PLCG1: variants seen among roughly 807,000 people sequenced by gnomAD.
The protein encoded by PLCG1 is 1-phosphatidylinositol 4,5-bisphosphate phosphodiesterase gamma-1.
In PLCG1, 71 loss-of-function variants were observed where a neutral mutation model predicts 177.8. That is an observed-to-expected ratio of 0.40 (90% CI 0.33 to 0.49). The LOEUF (loss-of-function observed/expected upper bound fraction) is 0.49. PLCG1 is among the 20% of genes least tolerant of loss of function. The pLI is 0.72. For missense variants in PLCG1, 1,281 were observed against 1,709.0 expected, an observed-to-expected ratio of 0.75 and a Z score of 4.42; for synonymous variants, 658 against 647.9, an observed-to-expected ratio of 1.02 and a Z score of -0.24.
At chr20:41,139,642 A>G (rs1023830148) in intron 1 of PLCG1, among the ~76,000 whole-genome samples, 3 of 152,232 alleles carry the variant, frequency 2.0e-5, no homozygotes, top group African/African-American at 7.2e-5. Context: ...GAGACAATTC[A>G]TATAAAACAT....
chr20:41,139,500 T>G (rs1334836223), intron 1 of PLCG1, among the ~76,000 whole-genome samples: 1 of 152,202 alleles, frequency 6.6e-6, no homozygotes, highest in Non-Finnish European at 1.5e-5. Context: ...TGATGGCAAG[T>G]CTGGATTTGA....
intron 1 of PLCG1, among the ~76,000 whole-genome samples, chr20:41,141,060 CCT>C (rs1472798140): frequency 3.9e-5 from 6 of 152,220 alleles, no homozygotes; most frequent in Non-Finnish European, 8.8e-5. Flanking sequence ...ACAGCCTCAG[CCT>C]CTCTAGGCTC....
In PLCG1 at chr20:41,166,175, C is replaced by T. The variant is rs765510600; in HGVS notation, c.1800-19C>T. On this transcript the variant is annotated intron_variant, in intron 16 of 31. Coordinates refer to ENST00000685551, the MANE Select transcript of PLCG1 (RefSeq NM_002660.3). The surrounding 1 kb of genome is among the most constrained non-coding windows in gnomAD (Gnocchi z 8.6). ...CTGGCCTGTTTTCCCCAGCCTCCCT[C>T]ACTCTGTGTCTTCCACAGGCGGAAC... The T allele has an allele frequency of 1.6e-5, 25 of 1,607,282 alleles. No homozygotes were observed. The highest frequency in any genetic ancestry group is 2.0e-5 in the Non-Finnish European group (24 of 1,177,118).
Position 41,160,305 on chromosome 20 carries a change from C to G in PLCG1, c.512+152C>G. The stretch of plus-strand genomic sequence containing the variant: ...GGGCAGAAGGTTCTGCCACGTGTAG[C>G]TTTCTGCACAAAGTCCTCTGGTGGC... On this transcript the variant is annotated intron_variant, in intron 4 of 31. Coordinates refer to ENST00000685551, the MANE Select transcript of PLCG1 (RefSeq NM_002660.3). The surrounding 1 kb of genome is among the most constrained non-coding windows in gnomAD (Gnocchi z 5.5). 1 of 710,738 alleles carries G rather than the reference C, an allele frequency of 1.4e-6. No homozygotes were observed. Among genetic ancestry groups the G allele is most frequent in the Non-Finnish European group, 2.5e-6 (1 of 402,686 alleles). The allele number at this position is 710,738 out of a possible 1,614,324, so 44.0% of individuals were successfully genotyped here. A position where few individuals can be genotyped will look rare whatever the true frequency, so the allele number is the denominator to read the frequency against.
In PLCG1 at chr20:41,173,829, G is replaced by A. The variant is rs778250956; in HGVS notation, c.3556+16G>A. On this transcript the variant is annotated intron_variant, in intron 29 of 31. Coordinates refer to ENST00000685551, the MANE Select transcript of PLCG1 (RefSeq NM_002660.3). This position sits in a 1 kb window ranked among gnomAD's most constrained non-coding sequence, Gnocchi z 6.2. ...CTGAAGACAGGTGAGGACCATTCCT[G>A]GAGGCAGTGCCCCTGCAATCTTGCT... 3.2e-5 allele frequency: 51 copies of A among 1,612,142 alleles called. No individual in the cohort carries two copies. Among genetic ancestry groups the A allele is most frequent in the Non-Finnish European group, 4.2e-5 (49 of 1,178,752 alleles).
At position 41,164,827 on chromosome 20, in the gene PLCG1, A is replaced by G; in HGVS notation, c.1218-106A>G. Reference sequence around the variant, plus strand: ...CTCTTTTCTGGGATAGTTTTTACAGACAAGAAGCCCCCAGGCCCTTGGCTT... The same window carrying G: ...CTCTTTTCTGGGATAGTTTTTACAGGCAAGAAGCCCCCAGGCCCTTGGCTT... On this transcript the variant is annotated intron_variant, in intron 12 of 31. Coordinates refer to ENST00000685551, the MANE Select transcript of PLCG1 (RefSeq NM_002660.3). The surrounding 1 kb of genome is among the most constrained non-coding windows in gnomAD (Gnocchi z 6.4). The G allele has an allele frequency of 8.9e-7, 1 of 1,123,802 alleles. No homozygotes were observed. The highest frequency in any genetic ancestry group is 1.3e-6 in the Non-Finnish European group (1 of 782,550). The allele number at this position is 1,123,802 out of a possible 1,614,324, so 69.6% of individuals were successfully genotyped here. A position where few individuals can be genotyped will look rare whatever the true frequency, so the allele number is the denominator to read the frequency against.
Position 41,161,062 on chromosome 20 carries a change from A to G in PLCG1, c.512+909A>G, listed in dbSNP as rs1481669940. On this transcript the variant is annotated intron_variant, in intron 4 of 31. Transcript: ENST00000685551. ...GATTTTAACTTGGGAGTATGTAGAT[A>G]ACACTGAAAGCCACAGGGCTGGGTG... Among the ~76,000 whole-genome samples the G allele has an allele frequency of 3.9e-5, 6 of 152,260 alleles. No individual in the cohort carries two copies. In the East Asian group the frequency reaches 1.2e-3, roughly 29 times the overall value.
At position 41,137,798 on chromosome 20, in the gene PLCG1, G is replaced by C; in HGVS notation, c.157G>C (p.Val53Leu). The change falls in exon 1 of 32, where the codon GTC becomes CTC. Residue 53 changes from valine to leucine, a missense_variant. By Grantham distance (32) the Val-to-Leu change is conservative (BLOSUM62 1). Coordinates refer to ENST00000685551, the MANE Select transcript of PLCG1 (RefSeq NM_002660.3). This position sits in a 1 kb window ranked among gnomAD's most constrained non-coding sequence, Gnocchi z 7.3. ...GCGACCCGAGCGGAAGACCTTCCAG[G>C]TCAAGCTGGAGACGCGCCAGATCAC... Reference protein sequence around the residue: ...SQRPERKTFQVKLETRQITWS... With the variant: ...SQRPERKTFQLKLETRQITWS... The C allele has an allele frequency of 7.7e-7, 1 of 1,302,860 alleles. No individual in the cohort carries two copies. Among genetic ancestry groups the C allele is most frequent in the Non-Finnish European group, 9.8e-7 (1 of 1,018,334 alleles). 80.7% of individuals were successfully genotyped at this position (1,302,860 alleles called of 1,614,324 possible).
chr20:41,170,292 T>G (rs1600673283), intron 24 of PLCG1, 23 bp downstream of exon 24: 3 of 1,613,586 alleles, frequency 1.9e-6, no homozygotes, highest in Non-Finnish European at 8.5e-7. Context: ...TGGAACCTTC[T>G]GGGGGGCAGT....
chr20:41,161,626 C>T (rs2146035338), intron 4 of PLCG1, among the ~76,000 whole-genome samples: 1 of 152,236 alleles, frequency 6.6e-6, no homozygotes, highest in Middle Eastern at 3.4e-3. Context: ...CTCCGCAGTG[C>T]TTGATCCACT....
rs2035177525 is a variant in PLCG1 at position 41,151,910 on chromosome 20, G to GA, written c.218-7694dup. 6.6e-6 allele frequency among the ~76,000 whole-genome samples: 1 copy of GA among 152,186 alleles called. No individual in the cohort carries two copies. Among genetic ancestry groups the GA allele is most frequent in the Admixed American group, 6.5e-5 (1 of 15,286 alleles). On this transcript the variant is annotated intron_variant, in intron 1 of 31. Coordinates refer to ENST00000685551, the MANE Select transcript of PLCG1 (RefSeq NM_002660.3). This position sits in a 1 kb window ranked among gnomAD's most constrained non-coding sequence, Gnocchi z 5.5. ...AGCCCCTGTGCCTCTGGCTGCCTGT[G>GA]AAGGGGGATCTGCAGTGCAGTGCCT...
At position 41,157,117 on chromosome 20, in the gene PLCG1, A is replaced by G. The variant is rs1488891541; in HGVS notation, c.218-2489A>G. ...TGGATGCCTGGCGTGGAGCTGCGCT[A>G]TGCTTACCTGGTTCCTATCTCAGGC... On this transcript the variant is annotated intron_variant, in intron 1 of 31. Coordinates refer to ENST00000685551, the MANE Select transcript of PLCG1 (RefSeq NM_002660.3). The surrounding 1 kb of genome is among the most constrained non-coding windows in gnomAD (Gnocchi z 5.4). 6.6e-6 allele frequency among the ~76,000 whole-genome samples: 1 copy of G among 152,054 alleles called. No individual in the cohort carries two copies.
chr20:41,154,007 GTCC>G (rs1376261965), intron 1 of PLCG1, among the ~76,000 whole-genome samples: 2 of 152,132 alleles, frequency 1.3e-5, no homozygotes, highest in Non-Finnish European at 1.5e-5. Flanking sequence ...TTTTCAATAT[GTCC>G]TCCTGTCCCT....
At chr20:41,155,995 C>T (rs2035310200) in intron 1 of PLCG1, among the ~76,000 whole-genome samples, 2 of 152,180 alleles carry the variant, frequency 1.3e-5, no homozygotes, top group South Asian at 4.1e-4. Flanking sequence ...CAGGAGAAGG[C>T]AGATCTCCAT....
At position 41,177,070 on chromosome 20, in the gene PLCG1, T is replaced by C. The variant is rs976128451; in HGVS notation, c.*2561T>C. 6.6e-6 allele frequency: 1 copy of C among 152,246 alleles called. No individual in the cohort carries two copies. 9.4% of individuals were successfully genotyped at this position (152,246 alleles called of 1,614,324 possible). The stretch of plus-strand genomic sequence containing the variant: ...TAACAAGGGTTGAAAAACCCTGATT[T>C]TGGCAGCACAAACCAAAAGAGCAGG... On this transcript the variant is annotated 3_prime_UTR_variant, in exon 32 of 32. Coordinates refer to ENST00000685551, the MANE Select transcript of PLCG1 (RefSeq NM_002660.3).
rs749374348 is a variant in PLCG1 at position 41,173,746 on chromosome 20, G to C, written c.3489G>C (p.Glu1163Asp). ...CCTTTCTGCGCTTCGTGGTGTATGA[G>C]GAAGACATGTTTAGTGACCAGAATT... is the stretch of plus-strand genomic sequence containing the variant. ...EFAFLRFVVY[E>D]EDMFSDQNFL... Residue 1163 changes from glutamate to aspartate, a missense_variant, in exon 29 of 32, where the codon GAG (glutamate) becomes GAC (aspartate). Glu to Asp is a conservative substitution (Grantham distance 45). This residue lies in a region of PLCG1 where 723 missense variants were observed against 1,030.0 expected (regional missense o/e 0.70). Coordinates refer to ENST00000685551, the MANE Select transcript of PLCG1 (RefSeq NM_002660.3). This position sits in a 1 kb window ranked among gnomAD's most constrained non-coding sequence, Gnocchi z 6.2. The C allele has an allele frequency of 5.0e-6, 8 of 1,614,158 alleles. No homozygotes were observed. The Admixed American group carries it at 8.3e-5, about 17-fold the overall frequency.
In PLCG1 at chr20:41,172,348, A is replaced by G. The variant is rs1174577723; in HGVS notation, c.2905+59A>G. On this transcript the variant is annotated intron_variant, in intron 25 of 31. Coordinates refer to ENST00000685551, the MANE Select transcript of PLCG1 (RefSeq NM_002660.3). The surrounding 1 kb of genome is among the most constrained non-coding windows in gnomAD (Gnocchi z 7.0). ...GCCTGGAGGGCCTGGTGGGTGCAAAAAGAGTATTTAGGTATCCCCCCAACA... is the reference window on the plus strand; with the variant it reads ...GCCTGGAGGGCCTGGTGGGTGCAAAGAGAGTATTTAGGTATCCCCCCAACA... The G allele has an allele frequency of 1.9e-6, 3 of 1,580,370 alleles. No individual in the cohort carries two copies. Among genetic ancestry groups the G allele is most frequent in the Non-Finnish European group, 2.6e-6 (3 of 1,149,442 alleles).
Position 41,162,741 on chromosome 20 carries a change from GCCCT to G in PLCG1, c.681+22_681+25del, listed in dbSNP as rs2035553460. On this transcript the variant is annotated intron_variant, in intron 6 of 31. Coordinates refer to ENST00000685551, the MANE Select transcript of PLCG1 (RefSeq NM_002660.3). ...CCAGAAGACGGTGCATGAGCCACCT[GCCCT>G]CCCTCAACCCCTGCCCCTGCTCTTC... is the stretch of plus-strand genomic sequence containing the variant. The G allele has an allele frequency of 6.3e-7, 1 of 1,596,740 alleles. No individual in the cohort carries two copies. The highest frequency in any genetic ancestry group is 1.1e-5 in the South Asian group (1 of 89,216).
At chr20:41,138,681 C>G (rs949131666) in intron 1 of PLCG1, among the ~76,000 whole-genome samples, 1 of 152,044 alleles carries the variant, frequency 6.6e-6, no homozygotes, top group Non-Finnish European at 1.5e-5. Context: ...TGAGTCTAGC[C>G]CTTTGTCCTC....
Sources: allele counts gnomAD v4.1 joint callset (sites outside exome capture counted in the v4.1 genomes callset), GRCh38; gene constraint gnomAD v4.1.1; regional missense constraint gnomAD v4.1.1; non-coding constraint Gnocchi (gnomAD v3.1); transcripts MANE v1.5; gene names NCBI Gene and HGNC (gene_info 2026-07-23, HGNC 2026-07-21).